The following CEP128 variants were observed in gnomAD, a reference collection of about 807,000 sequenced individuals.
The protein encoded by CEP128 is centrosomal protein 128kDa.
In CEP128, 132 loss-of-function variants were observed where a neutral mutation model predicts 156.7. The ratio of observed to expected loss-of-function variants is 0.84; its 90% CI spans 0.73 to 0.97. The LOEUF is 0.97. Among genes scored for constraint, CEP128 ranks in the 50% least tolerant of loss-of-function variants. The pLI, the probability that CEP128 is intolerant of heterozygous loss-of-function variation, is 0.00. For synonymous variants in CEP128, 469 were observed against 448.9 expected, an observed-to-expected ratio of 1.04 and a Z score of -0.57; for missense variants, 1,252 against 1,281.9, an observed-to-expected ratio of 0.98 and a Z score of 0.36.
chr14:80,682,789 C>T (rs938281225), intron 19 of CEP128, among the ~76,000 whole-genome samples: 8 of 152,106 alleles, frequency 5.3e-5, no homozygotes, highest in Non-Finnish European at 8.8e-5. Flanking sequence ...GGCCTATGTT[C>T]GGCACTCGCA....
In CEP128 at chr14:80,529,787, C is replaced by A. The variant is rs561007040; in HGVS notation, c.2958+1022G>T. On this transcript the variant is annotated intron_variant, in intron 22 of 24. Coordinates refer to ENST00000555265, the MANE Select transcript of CEP128 (RefSeq NM_152446.5). ...TTAAACTGCAAATATATAATCAAAT[C>A]AAACACTTGGTTTTGTTCAATTTGG... Among the ~76,000 whole-genome samples, 402 of 152,250 alleles carry A rather than the reference C, an allele frequency of 2.6e-3. 1 individual carries two copies. Among genetic ancestry groups the A allele is most frequent in the Non-Finnish European group, 4.5e-3 (305 of 68,014 alleles).
chr14:80,673,645 CAAAAAAAAA>C (rs4016509), intron 19 of CEP128, among the ~76,000 whole-genome samples: 3 of 43,966 alleles, frequency 6.8e-5, no homozygotes, highest in African/African-American at 1.2e-4. Flanking sequence ...GACTCCGTCT[CAAAAAAAAA>C]AAAAAAAAAA....
At chr14:80,860,267 G>T (rs773325284) in intron 9 of CEP128, among the ~76,000 whole-genome samples, 1 of 152,154 alleles carries the variant, frequency 6.6e-6, no homozygotes, top group Non-Finnish European at 1.5e-5. Flanking sequence ...TTTTAAAAAC[G>T]TATAGGTCAC....
intron 19 of CEP128, among the ~76,000 whole-genome samples, chr14:80,670,188 A>T (rs1895781295): frequency 6.6e-6 from 1 of 152,206 alleles, no homozygotes; most frequent in Admixed American, 6.5e-5. Flanking sequence ...AACACTGGGG[A>T]TTACATTTCA....
At chr14:80,892,486 G>A (rs762339559) in intron 8 of CEP128, among the ~76,000 whole-genome samples, 4 of 151,906 alleles carry the variant, frequency 2.6e-5, no homozygotes, top group African/African-American at 9.7e-5. Context: ...GGACACTGAC[G>A]TTGGCAATGA....
upstream of CEP128, among the ~76,000 whole-genome samples, chr14:80,943,741 C>A (rs532182049): frequency 6.6e-6 from 1 of 152,132 alleles, no homozygotes; most frequent in Non-Finnish European, 1.5e-5. Context: ...AGCCTGTAAT[C>A]CCAGCACTTT....
At chr14:80,715,658 C>T (rs867347331) in intron 19 of CEP128, among the ~76,000 whole-genome samples, 4 of 151,986 alleles carry the variant, frequency 2.6e-5, no homozygotes, top group Non-Finnish European at 4.4e-5. Flanking sequence ...CCTTATTGAA[C>T]GGAAATTAGT....
chr14:80,708,950 C>A (rs529832208), intron 19 of CEP128, among the ~76,000 whole-genome samples: 1 of 151,902 alleles, frequency 6.6e-6, no homozygotes, highest in East Asian at 1.9e-4. Context: ...AACTAAATTT[C>A]CTTCAGTATT....
At chr14:80,678,603 T>A (rs528946373) in intron 19 of CEP128, among the ~76,000 whole-genome samples, 1 of 152,296 alleles carries the variant, frequency 6.6e-6, no homozygotes, top group East Asian at 1.9e-4. Context: ...AAACAGCCCC[T>A]GTGACTCAAA....
chr14:80,567,646 A>G (rs942610046), intron 20 of CEP128, among the ~76,000 whole-genome samples: 10 of 152,226 alleles, frequency 6.6e-5, no homozygotes, highest in Admixed American at 5.2e-4. Context: ...ATATCACTAC[A>G]GACAAAATGA....
chr14:80,533,711 T>A (rs570596672), intron 21 of CEP128, among the ~76,000 whole-genome samples: 70 of 152,298 alleles, frequency 4.6e-4, no homozygotes, highest in Middle Eastern at 3.4e-3. Flanking sequence ...TCTTTATACT[T>A]CCTCACTATT....
chr14:80,955,725 GC>G, intron 2 of CEP128: 1 of 1,614,180 alleles, frequency 6.2e-7, no homozygotes, highest in Non-Finnish European at 8.5e-7. Context: ...TGCTCGACCT[GC>G]CCAGGGACCT....
chr14:80,695,391 G>A (rs1479913459), intron 19 of CEP128, among the ~76,000 whole-genome samples: 1 of 152,106 alleles, frequency 6.6e-6, no homozygotes, highest in Non-Finnish European at 1.5e-5. Context: ...TGAAGCAGAG[G>A]AAAAGCACTT....
At chr14:80,570,782 T>C (rs968602081) in intron 20 of CEP128, among the ~76,000 whole-genome samples, 1 of 152,060 alleles carries the variant, frequency 6.6e-6, no homozygotes, top group African/African-American at 2.4e-5. Context: ...TTTTCCATGG[T>C]AGAGGTTAGG....
chr14:80,501,827 C>A (rs1356973101), intron 24 of CEP128, among the ~76,000 whole-genome samples: 1 of 151,700 alleles, frequency 6.6e-6, no homozygotes, highest in Non-Finnish European at 1.5e-5. Context: ...GGCAGGGCTT[C>A]GACACCTGCC....
intron 23 of CEP128, among the ~76,000 whole-genome samples, chr14:80,514,353 G>A (rs1318527466): frequency 6.6e-6 from 1 of 151,994 alleles, no homozygotes; most frequent in Non-Finnish European, 1.5e-5. Flanking sequence ...ATTTTACAAA[G>A]TCTGACTCTT....
At chr14:80,856,558 C>T (rs939917501) in intron 9 of CEP128, among the ~76,000 whole-genome samples, 3 of 151,738 alleles carry the variant, frequency 2.0e-5, no homozygotes, top group African/African-American at 4.8e-5. Context: ...GTAGAAGGAT[C>T]GCTTGAGCCT....
chr14:80,704,923 C>T (rs531996773), intron 19 of CEP128, among the ~76,000 whole-genome samples: 2 of 152,022 alleles, frequency 1.3e-5, no homozygotes, highest in Non-Finnish European at 2.9e-5. Flanking sequence ...CTCCAATCAT[C>T]ATCAATGCAT....
chr14:80,569,258 T>G (rs934089547), intron 20 of CEP128, among the ~76,000 whole-genome samples: 14 of 152,288 alleles, frequency 9.2e-5, no homozygotes, highest in Admixed American at 3.3e-4. Context: ...CAAATTAAAG[T>G]CACAAATTTC....
Sources: gnomAD v4.1 joint callset for allele counts (sites outside exome capture counted in the v4.1 genomes callset) on GRCh38, gnomAD v4.1.1 for gene constraint, MANE v1.5 for transcripts, NCBI Gene and HGNC (gene_info 2026-07-23, HGNC 2026-07-21) for gene names.